The following HS6ST3 variants were observed in gnomAD, a reference collection of about 807,000 sequenced individuals.
HS6ST3 encodes the protein heparan-sulfate 6-O-sulfotransferase 3.
In HS6ST3, 12 loss-of-function variants were observed where a neutral mutation model predicts 36.7. That is an observed-to-expected ratio of 0.33 (90% CI 0.21 to 0.53). HS6ST3 has a LOEUF of 0.53. HS6ST3 is among the 20% of genes least tolerant of loss of function. The pLI, the probability that HS6ST3 is intolerant of heterozygous loss-of-function variation, is 0.95. For missense variants in HS6ST3, 584 were observed against 640.9 expected, an observed-to-expected ratio of 0.91 and a Z score of 0.96; for synonymous variants, 240 against 257.5, an observed-to-expected ratio of 0.93 and a Z score of 0.65.
At chr13:96,718,877 A>C (rs141021014) in intron 1 of HS6ST3, among the ~76,000 whole-genome samples, 28 of 152,214 alleles carry the variant, frequency 1.8e-4, no homozygotes, top group Non-Finnish European at 2.1e-4. Flanking sequence ...TGTAGTAAAA[A>C]GCTTTAGTAA....
intron 1 of HS6ST3, among the ~76,000 whole-genome samples, chr13:96,435,603 C>T (rs1387654501): frequency 1.3e-5 from 2 of 152,146 alleles, no homozygotes; most frequent in African/African-American, 2.4e-5. Flanking sequence ...GGAAGGGGAG[C>T]GACAAGCATA....
chr13:96,356,450 G>A (rs1342644688), intron 1 of HS6ST3, among the ~76,000 whole-genome samples: 2 of 152,142 alleles, frequency 1.3e-5, no homozygotes, highest in East Asian at 1.9e-4. Flanking sequence ...TCTATGGGCT[G>A]CAGAATGGAT....
At chr13:96,693,554 C>T (rs1467397078) in intron 1 of HS6ST3, among the ~76,000 whole-genome samples, 1 of 152,164 alleles carries the variant, frequency 6.6e-6, no homozygotes, top group African/African-American at 2.4e-5. Context: ...CCACCTGTCT[C>T]GGCCTCCCAA....
intron 1 of HS6ST3, among the ~76,000 whole-genome samples, chr13:96,241,677 C>T (rs2139372832): frequency 6.7e-6 from 1 of 148,962 alleles, no homozygotes; most frequent in Non-Finnish European, 1.5e-5. Flanking sequence ...CAATAAAAGA[C>T]TTTCAAGCAT....
intron 1 of HS6ST3, among the ~76,000 whole-genome samples, chr13:96,259,391 A>C (rs921833161): frequency 2.0e-5 from 3 of 152,194 alleles, no homozygotes; most frequent in African/African-American, 4.8e-5. Flanking sequence ...ACTGTGGTCC[A>C]GGTGAGAACA....
intron 1 of HS6ST3, among the ~76,000 whole-genome samples, chr13:96,270,550 C>G (rs1435522017): frequency 6.6e-6 from 1 of 151,810 alleles, no homozygotes; most frequent in African/African-American, 2.4e-5. Context: ...TTAGACCATT[C>G]ATGTTGACCA....
Position 96,323,529 on chromosome 13 carries a change from G to A in HS6ST3, c.707+231960G>A, listed in dbSNP as rs139720888. On this transcript the variant is annotated intron_variant, in intron 1 of 1. Coordinates refer to ENST00000376705, the MANE Select transcript of HS6ST3 (RefSeq NM_153456.4). The stretch of plus-strand genomic sequence containing the variant: ...TCAACATGGCAGCCACAGCCTCATA[G>A]TTCATGGCACTCCTTTGCTCAAGGC... Among the ~76,000 whole-genome samples, 453 of 152,292 alleles carry A rather than the reference G, an allele frequency of 3.0e-3. 3 individuals are homozygous for A. Among genetic ancestry groups the A allele is most frequent in the African/African-American group, 0.01 (434 of 41,564 alleles).
intron 1 of HS6ST3, among the ~76,000 whole-genome samples, chr13:96,781,512 C>T (rs1438827248): frequency 1.3e-5 from 2 of 152,202 alleles, no homozygotes; most frequent in Non-Finnish European, 2.9e-5. Flanking sequence ...GACAGTTCCT[C>T]ACTGATCTTG....
intron 1 of HS6ST3, among the ~76,000 whole-genome samples, chr13:96,259,986 T>G (rs1486153817): frequency 6.6e-6 from 1 of 152,154 alleles, no homozygotes; most frequent in Non-Finnish European, 1.5e-5. Context: ...GTGCCCTCAC[T>G]TGAGTGATGA....
At chr13:96,758,754 T>C (rs1185858691) in intron 1 of HS6ST3, among the ~76,000 whole-genome samples, 1 of 151,950 alleles carries the variant, frequency 6.6e-6, no homozygotes, top group East Asian at 1.9e-4. Flanking sequence ...TTTCTTAATT[T>C]ATTGAGACTT....
At chr13:96,708,698 G>A (rs1003990590) in intron 1 of HS6ST3, among the ~76,000 whole-genome samples, 1 of 152,118 alleles carries the variant, frequency 6.6e-6, no homozygotes, top group Non-Finnish European at 1.5e-5. Flanking sequence ...TCCTGGCCAG[G>A]CCACACCAAC....
intron 1 of HS6ST3, among the ~76,000 whole-genome samples, chr13:96,264,860 T>A (rs2054683950): frequency 6.6e-6 from 1 of 152,216 alleles, no homozygotes; most frequent in South Asian, 2.1e-4. Context: ...TGCTGAAATT[T>A]GAAAATAACT....
intron 1 of HS6ST3, among the ~76,000 whole-genome samples, chr13:96,213,250 G>A (rs1019895088): frequency 2.6e-5 from 4 of 152,218 alleles, no homozygotes; most frequent in Admixed American, 1.3e-4. Context: ...CTATCATGTA[G>A]CCATATAAAG....
At chr13:96,239,681 A>G (rs2054551136) in intron 1 of HS6ST3, among the ~76,000 whole-genome samples, 1 of 152,178 alleles carries the variant, frequency 6.6e-6, no homozygotes, top group Non-Finnish European at 1.5e-5. Context: ...TCACACAAAG[A>G]GTTTATATAT....
chr13:96,795,698 G>T (rs1351106332), intron 1 of HS6ST3, among the ~76,000 whole-genome samples: 1 of 152,052 alleles, frequency 6.6e-6, no homozygotes, highest in Non-Finnish European at 1.5e-5. Flanking sequence ...CCAGGCTGAC[G>T]CCCAGAGGGC....
intron 1 of HS6ST3, among the ~76,000 whole-genome samples, chr13:96,490,535 C>T (rs1409483597): frequency 6.6e-6 from 1 of 152,104 alleles, no homozygotes; most frequent in Non-Finnish European, 1.5e-5. Flanking sequence ...ATTGACTAGA[C>T]TAAAAGTTCA....
intron 1 of HS6ST3, among the ~76,000 whole-genome samples, chr13:96,556,953 C>T (rs972351574): frequency 3.3e-5 from 5 of 152,124 alleles, no homozygotes; most frequent in Middle Eastern, 3.2e-3. Context: ...AGCAAAGTGC[C>T]GTTGTTGGGT....
At chr13:96,560,721 T>G (rs1452512224) in intron 1 of HS6ST3, among the ~76,000 whole-genome samples, 2 of 152,172 alleles carry the variant, frequency 1.3e-5, no homozygotes, top group African/African-American at 4.8e-5. Flanking sequence ...GTAGCATTTC[T>G]ATACACCAAT....
intron 1 of HS6ST3, among the ~76,000 whole-genome samples, chr13:96,400,989 A>T (rs1325268383): frequency 6.6e-6 from 1 of 152,158 alleles, no homozygotes; most frequent in Non-Finnish European, 1.5e-5. Context: ...CATACTTATC[A>T]GGAATGAAAA....
Sources: gnomAD v4.1 joint callset for allele counts (sites outside exome capture counted in the v4.1 genomes callset) on GRCh38, gnomAD v4.1.1 for gene constraint, MANE v1.5 for transcripts, NCBI Gene and HGNC (gene_info 2026-07-23, HGNC 2026-07-21) for gene names.